The following RAB3IP variants were observed in gnomAD, a reference collection of about 807,000 sequenced individuals.
The protein encoded by RAB3IP is rab-3A-interacting protein.
In RAB3IP, 36 loss-of-function variants were observed where a neutral mutation model predicts 59.1. That is an observed-to-expected ratio of 0.61 (90% CI 0.47 to 0.80). RAB3IP has a LOEUF of 0.80. Ranked by LOEUF, RAB3IP falls within the 30% of genes least tolerant of loss-of-function variation. The pLI, the probability that RAB3IP is intolerant of heterozygous loss-of-function variation, is 0.00. For missense variants in RAB3IP, 511 were observed against 536.0 expected, an observed-to-expected ratio of 0.95 and a Z score of 0.46; for synonymous variants, 207 against 191.2, an observed-to-expected ratio of 1.08 and a Z score of -0.68.
chr12:69,805,314 T>A (rs2136261366), intron 8 of RAB3IP, among the ~76,000 whole-genome samples: 1 of 152,256 alleles, frequency 6.6e-6, no homozygotes, highest in South Asian at 2.1e-4. Context: ...TATTGGTGTA[T>A]AAGAATGCTT....
At chr12:69,747,292 TCG>T (rs2136105415) in intron 1 of RAB3IP, among the ~76,000 whole-genome samples, 1 of 128,288 alleles carries the variant, frequency 7.8e-6, no homozygotes, top group Admixed American at 8.7e-5. Flanking sequence ...CCTTGCCCTT[TCG>T]TGTGTGTGTG....
At position 69,815,637 on chromosome 12, in the gene RAB3IP, C is replaced by A; in HGVS notation, c.*191C>A. On this transcript the variant is annotated 3_prime_UTR_variant, in exon 11 of 11. Transcript: ENST00000247833. ...TGTTTGCTTATTCTTTAGTTGAACACACTATGAAGAATTCCAGGTGTACTA... is the reference window on the plus strand; with the variant it reads ...TGTTTGCTTATTCTTTAGTTGAACAAACTATGAAGAATTCCAGGTGTACTA... 2.7e-6 allele frequency: 1 copy of A among 374,530 alleles called. No individual in the cohort carries two copies. The highest frequency in any genetic ancestry group is 4.8e-6 in the Non-Finnish European group (1 of 210,178). The allele number at this position is 374,530 out of a possible 1,614,324, so 23.2% of individuals were successfully genotyped here.
At chr12:69,766,933 T>G (rs1872307355) in intron 3 of RAB3IP, among the ~76,000 whole-genome samples, 1 of 152,250 alleles carries the variant, frequency 6.6e-6, no homozygotes, top group Non-Finnish European at 1.5e-5. Flanking sequence ...ATCTCATTGA[T>G]CTTCCTTGCA....
chr12:69,748,071 GT>G (rs35390580), intron 1 of RAB3IP, among the ~76,000 whole-genome samples: 50,770 of 141,170 alleles, frequency 0.36, 8,133 homozygotes, highest in South Asian at 0.4. Flanking sequence ...CACAGCTTTA[GT>G]TTTTTTTTTT....
chr12:69,793,128 G>T (rs943486080), intron 4 of RAB3IP, among the ~76,000 whole-genome samples: 1 of 150,476 alleles, frequency 6.6e-6, no homozygotes, highest in Admixed American at 6.6e-5. Flanking sequence ...TTTAAAAGGA[G>T]AATATTTAAC....
At position 69,765,420 on chromosome 12, in the gene RAB3IP, A is replaced by G. The variant is rs556683961; in HGVS notation, c.510+8757A>G. Among the ~76,000 whole-genome samples the G allele has an allele frequency of 8.6e-4, 131 of 152,104 alleles. 2 individuals are homozygous for G. Among genetic ancestry groups the G allele is most frequent in the African/African-American group, 2.7e-3 (111 of 41,472 alleles). On this transcript the variant is annotated intron_variant, in intron 3 of 10. Transcript: ENST00000247833. ...TCGTATGGCTTTTGTTTTTAATTCT[A>G]TTTATGTTGTGAATCACATTTATTG...
intron 1 of RAB3IP, among the ~76,000 whole-genome samples, chr12:69,750,395 C>T (rs957171061): frequency 3.3e-5 from 5 of 152,112 alleles, no homozygotes; most frequent in Non-Finnish European, 2.9e-5. Flanking sequence ...AAAAATACAA[C>T]CATTATGCCA....
At chr12:69,745,678 C>CT (rs1340130079) in intron 1 of RAB3IP, among the ~76,000 whole-genome samples, 7 of 151,864 alleles carry the variant, frequency 4.6e-5, no homozygotes, top group Non-Finnish European at 8.8e-5. Flanking sequence ...TTTTTTTAAA[C>CT]TTTAAGTTCT....
chr12:69,782,044 A>G (rs917719167), intron 3 of RAB3IP, among the ~76,000 whole-genome samples: 1 of 152,210 alleles, frequency 6.6e-6, no homozygotes, highest in Non-Finnish European at 1.5e-5. Flanking sequence ...TGATATTACC[A>G]GTTTTAATCC....
At chr12:69,799,658 A>G (rs1380589863) in intron 6 of RAB3IP, among the ~76,000 whole-genome samples, 1 of 152,102 alleles carries the variant, frequency 6.6e-6, no homozygotes, top group African/African-American at 2.4e-5. Context: ...CATTTTGACA[A>G]TTCTTTTTGG....
intron 6 of RAB3IP, 141 bp from the exon 7 acceptor site, chr12:69,800,068 A>T: frequency 1.9e-6 from 1 of 515,588 alleles, no homozygotes; most frequent in Non-Finnish European, 3.1e-6. Flanking sequence ...CCAGGTATTG[A>T]ACCACCAAGA....
At chr12:69,787,956 A>G (rs992578258) in intron 4 of RAB3IP, among the ~76,000 whole-genome samples, 1 of 152,140 alleles carries the variant, frequency 6.6e-6, no homozygotes, top group African/African-American at 2.4e-5. Flanking sequence ...AGGTAAAACA[A>G]TAAAAATGCT....
intron 3 of RAB3IP, among the ~76,000 whole-genome samples, chr12:69,779,990 A>C (rs545842953): frequency 2.0e-5 from 3 of 152,182 alleles, no homozygotes; most frequent in Non-Finnish European, 4.4e-5. Flanking sequence ...CAGTGGGCCT[A>C]TCTAGAGATC....
At chr12:69,756,695 A>T in intron 3 of RAB3IP, 32 bp downstream of exon 3, 1 of 1,554,724 alleles carries the variant, frequency 6.4e-7, no homozygotes, top group Non-Finnish European at 8.7e-7. Flanking sequence ...TCTTCCATAT[A>T]TTATATTAGA....
intron 3 of RAB3IP, among the ~76,000 whole-genome samples, chr12:69,780,521 T>C (rs1363666812): frequency 6.6e-6 from 1 of 152,210 alleles, no homozygotes; most frequent in East Asian, 1.9e-4. Context: ...CTGACTGTAG[T>C]GAGAGAGGCT....
At chr12:69,804,420 A>G (rs1269716498) in intron 8 of RAB3IP, among the ~76,000 whole-genome samples, 3 of 152,170 alleles carry the variant, frequency 2.0e-5, no homozygotes, top group African/African-American at 7.2e-5. Context: ...AGTAGGTTGC[A>G]AAAATTTTCT....
chr12:69,786,989 G>A (rs533480369), intron 4 of RAB3IP, among the ~76,000 whole-genome samples: 52 of 152,230 alleles, frequency 3.4e-4, no homozygotes, highest in African/African-American at 9.9e-4. Context: ...TGGAAAAAGC[G>A]CTCAAAGTTT....
chr12:69,738,793 C>T (rs1592405114), upstream of RAB3IP: 1 of 152,110 alleles, frequency 6.6e-6, no homozygotes, highest in South Asian at 2.1e-4. Context: ...GCCACACCCC[C>T]CTACCCCGCC....
chr12:69,764,507 C>CT (rs1294208979), intron 3 of RAB3IP, among the ~76,000 whole-genome samples: 1 of 152,154 alleles, frequency 6.6e-6, no homozygotes, highest in Non-Finnish European at 1.5e-5. Flanking sequence ...GTCTATGTGT[C>CT]TGTTTTTGTA....
Sources: allele counts gnomAD v4.1 joint callset (sites outside exome capture counted in the v4.1 genomes callset), GRCh38; gene constraint gnomAD v4.1.1; transcripts MANE v1.5; gene names NCBI Gene and HGNC (gene_info 2026-07-23, HGNC 2026-07-21).